TRIM44: variants seen among roughly 807,000 people sequenced by gnomAD.
TRIM44 encodes the protein tripartite motif-containing protein 44.
TRIM44 carries 13 observed loss-of-function variants against 37.4 expected under a neutral mutation model. That is an observed-to-expected ratio of 0.35 (90% CI 0.23 to 0.55). TRIM44 has a LOEUF of 0.55. TRIM44 is among the 20% of genes least tolerant of loss of function. The pLI, the probability that TRIM44 is intolerant of heterozygous loss-of-function variation, is 0.89. For synonymous variants in TRIM44, 175 were observed against 157.2 expected, an observed-to-expected ratio of 1.11 and a Z score of -0.85; for missense variants, 426 against 437.2, an observed-to-expected ratio of 0.97 and a Z score of 0.23.
chr11:35,678,826 C>T lies in TRIM44; in HGVS notation c.670-6433C>T, dbSNP rs368672039. The stretch of plus-strand genomic sequence containing the variant: ...TCTTGGCCAGGCTGGTCTCAAACTC[C>T]TGGCCTCAAATGATCCACCCACTTT... On this transcript the variant is annotated intron_variant, in intron 1 of 4. Coordinates refer to ENST00000299413, the MANE Select transcript of TRIM44 (RefSeq NM_017583.6). Among the ~76,000 whole-genome samples the T allele has an allele frequency of 1.8e-3, 272 of 152,228 alleles. 1 individual carries two copies. The highest frequency in any genetic ancestry group is 6.8e-3 in the Middle Eastern group (2 of 294).
intron 2 of TRIM44, among the ~76,000 whole-genome samples, chr11:35,723,107 C>A (rs1054431439): frequency 6.6e-6 from 1 of 151,164 alleles, no homozygotes; most frequent in Admixed American, 6.6e-5. Flanking sequence ...TTCTCTATCT[C>A]TCCTTCTCTT....
rs774935789 is a variant in TRIM44 at position 35,663,205 on chromosome 11, G to C, written c.94G>C (p.Val32Leu). 5.0e-6 allele frequency: 8 copies of C among 1,600,540 alleles called. No individual in the cohort carries two copies. The highest frequency in any genetic ancestry group is 1.1e-5 in the South Asian group (1 of 88,968). Residue 32 changes from valine to leucine, a missense_variant, in exon 1 of 5, where the codon GTG becomes CTG. This residue lies in a region of TRIM44 where 331 missense variants were observed against 303.0 expected (regional missense o/e 1.09). Transcript: ENST00000299413. ...CGACGAGGCTCCGGGGGCCGAGGAA[G>C]TGTGCCGAGAATGCGGCTTCTGCTA... ...EPDEAPGAEE[V>L]CRECGFCYCR... is the part of the protein sequence containing the mutation.
At chr11:35,736,857 A>C (rs1852331632) in intron 4 of TRIM44, among the ~76,000 whole-genome samples, 1 of 149,774 alleles carries the variant, frequency 6.7e-6, no homozygotes, top group Non-Finnish European at 1.5e-5. Context: ...CTCACTCTTC[A>C]CTCCCTTCCT....
Position 35,792,093 on chromosome 11 carries a change from ACACACACACACACACACACT to A in TRIM44, c.1008-14263_1008-14244del, listed in dbSNP as rs754758713. Among the ~76,000 whole-genome samples, 24 of 70,760 alleles carry A rather than the reference ACACACACACACACACACACT, an allele frequency of 3.4e-4. No individual in the cohort carries two copies. The South Asian group carries it at 9.1e-3, about 27-fold the overall frequency. 46.4% of individuals were successfully genotyped at this position (70,760 alleles called of 152,430 possible). On this transcript the variant is annotated intron_variant, in intron 4 of 4. Coordinates refer to ENST00000299413, the MANE Select transcript of TRIM44 (RefSeq NM_017583.6). ...CCCCTACACACACACACACACACACACACACACACACACACACACTCTCTCTCATCATTCTCTATTCCAGC... is the reference window on the plus strand; with the variant it reads ...CCCCTACACACACACACACACACACACTCTCTCATCATTCTCTATTCCAGC...
chr11:35,724,322 G>C (rs752965689), intron 2 of TRIM44: 3 of 152,196 alleles, frequency 2.0e-5, no homozygotes, highest in African/African-American at 7.2e-5. Flanking sequence ...AGTGAACAGA[G>C]CACCAGACTG....
At chr11:35,687,897 C>A (rs979365210) in intron 2 of TRIM44, among the ~76,000 whole-genome samples, 2 of 152,066 alleles carry the variant, frequency 1.3e-5, no homozygotes, top group Non-Finnish European at 2.9e-5. Context: ...TTTTCAAGCC[C>A]CTTTTTAGTC....
intron 2 of TRIM44, among the ~76,000 whole-genome samples, chr11:35,718,883 CT>C (rs60798593): frequency 0.044 from 6,358 of 143,106 alleles, 299 homozygotes; most frequent in East Asian, 0.14. Flanking sequence ...GACCTGATAG[CT>C]TTTTTTTTTT....
Position 35,663,307 on chromosome 11 carries a change from G to T in TRIM44, c.196G>T (p.Ala66Ser). 2 of 1,614,122 alleles carry T rather than the reference G, an allele frequency of 1.2e-6. No individual in the cohort carries two copies. The highest frequency in any genetic ancestry group is 1.7e-6 in the Non-Finnish European group (2 of 1,180,022). ...HLAEYVHGSQ[A>S]WTPPADGEGA... ...GGCCGAATACGTCCACGGCTCCCAG[G>T]CCTGGACCCCGCCAGCTGACGGAGA... Residue 66 changes from alanine to serine, a missense_variant, in exon 1 of 5, where the codon GCC becomes TCC. Transcript: ENST00000299413.
intron 2 of TRIM44, among the ~76,000 whole-genome samples, chr11:35,694,880 T>C (rs574583540): frequency 6.6e-6 from 1 of 152,240 alleles, no homozygotes; most frequent in African/African-American, 2.4e-5. Context: ...AGGGGTTGAC[T>C]GTCCTCAGTG....
chr11:35,673,339 G>C (rs1564941264), intron 1 of TRIM44, among the ~76,000 whole-genome samples: 1 of 152,166 alleles, frequency 6.6e-6, no homozygotes, highest in Non-Finnish European at 1.5e-5. Flanking sequence ...CGATGCTACT[G>C]TATAGAGTCC....
chr11:35,663,874 T>C, intron 1 of TRIM44, 94 bp downstream of exon 1: 1 of 1,431,088 alleles, frequency 7.0e-7, no homozygotes, highest in East Asian at 2.3e-5. Flanking sequence ...GCTTTCACTG[T>C]GTCCCTAAGA....
At chr11:35,774,395 A>G (rs941405872) in intron 4 of TRIM44, among the ~76,000 whole-genome samples, 1 of 152,106 alleles carries the variant, frequency 6.6e-6, no homozygotes, top group Non-Finnish European at 1.5e-5. Flanking sequence ...TAGATTGTAA[A>G]AATTTTCTCC....
chr11:35,795,781 G>A (rs1023386080), intron 4 of TRIM44, among the ~76,000 whole-genome samples: 1 of 152,056 alleles, frequency 6.6e-6, no homozygotes, highest in Non-Finnish European at 1.5e-5. Context: ...ACTTCCAGTC[G>A]ATCTCACTCT....
At chr11:35,800,217 C>G (rs564337387) in intron 4 of TRIM44, among the ~76,000 whole-genome samples, 1 of 152,272 alleles carries the variant, frequency 6.6e-6, no homozygotes, top group East Asian at 1.9e-4. Context: ...GGAATGAAGC[C>G]ACGGACCTTC....
At chr11:35,671,060 T>C (rs1419582629) in intron 1 of TRIM44, among the ~76,000 whole-genome samples, 7 of 152,240 alleles carry the variant, frequency 4.6e-5, no homozygotes, top group Non-Finnish European at 4.4e-5. Flanking sequence ...ATCGTTGTTA[T>C]ACTGCATTCA....
At chr11:35,792,111 A>ACACACACACACTCTCT (rs796092540) in intron 4 of TRIM44, among the ~76,000 whole-genome samples, 1,989 of 114,090 alleles carry the variant, frequency 0.017, 24 homozygotes, top group Non-Finnish European at 0.028. Flanking sequence ...ACACACACAC[A>ACACACACACACTCTCT]CTCTCTCTCA....
intron 4 of TRIM44, among the ~76,000 whole-genome samples, chr11:35,793,930 G>A (rs1046801739): frequency 1.3e-5 from 2 of 152,164 alleles, no homozygotes; most frequent in Non-Finnish European, 2.9e-5. Flanking sequence ...TTTGGATGAA[G>A]TGATTAATTA....
intron 2 of TRIM44, among the ~76,000 whole-genome samples, chr11:35,689,254 T>C (rs1309948434): frequency 6.6e-6 from 1 of 152,216 alleles, no homozygotes; most frequent in Non-Finnish European, 1.5e-5. Context: ...CCAGCCATTA[T>C]GGGTGAGCCT....
intron 4 of TRIM44, among the ~76,000 whole-genome samples, chr11:35,736,198 A>G (rs1240438477): frequency 6.6e-6 from 1 of 152,224 alleles, no homozygotes; most frequent in Non-Finnish European, 1.5e-5. Context: ...GGGAAGTATC[A>G]GAATGGTCAT....
Sources: allele counts gnomAD v4.1 joint callset (sites outside exome capture counted in the v4.1 genomes callset), GRCh38; gene constraint gnomAD v4.1.1; regional missense constraint gnomAD v4.1.1; transcripts MANE v1.5; gene names NCBI Gene and HGNC (gene_info 2026-07-23, HGNC 2026-07-21).